The following TGFBR3 variants were observed in gnomAD, a reference collection of about 807,000 sequenced individuals.
TGFBR3 encodes the protein transforming growth factor beta receptor 3.
In TGFBR3, 46 loss-of-function variants were observed where a neutral mutation model predicts 87.9. The ratio of observed to expected loss-of-function variants is 0.52; its 90% confidence interval spans 0.41 to 0.67. TGFBR3 has a LOEUF of 0.67. Among genes scored for constraint, TGFBR3 ranks in the 30% least tolerant of loss-of-function variants. The pLI, the probability that TGFBR3 is intolerant of heterozygous loss-of-function variation, is 0.00. For synonymous variants in TGFBR3, 381 were observed against 391.6 expected (o/e 0.97, Z 0.32); for missense variants, 866 against 1,041.9 (o/e 0.83, Z 2.32).
rs545353127 is a variant in TGFBR3, at chr1:91,681,293, C to T, written c.*2446G>A. 7 of 443,112 alleles carry T rather than the reference C, an allele frequency of 1.6e-5. No individual in the cohort carries two copies. The highest frequency in any genetic ancestry group is 3.1e-5 in the Non-Finnish European group (7 of 223,646). The allele number at this position is 443,112 out of a possible 1,614,324, so 27.4% of individuals were successfully genotyped here. ...GAAACATTTCAGAAATACTTAACGA[C>T]ATTCACTCTCCAATATGAGATTAGG... On this transcript the variant is annotated 3_prime_UTR_variant, in exon 17 of 17. Transcript: ENST00000212355.
At chr1:91,862,001 A>G (rs760877143) in intron 1 of TGFBR3, 3 of 216,232 alleles carry the variant, frequency 1.4e-5, no homozygotes, top group Non-Finnish European at 2.8e-5. Flanking sequence ...GATTACAGAC[A>G]TGCGCCACTA....
chr1:91,787,875 T>A (rs922908618), intron 3 of TGFBR3, among the ~76,000 whole-genome samples: 1 of 149,996 alleles, frequency 6.7e-6, no homozygotes, highest in African/African-American at 2.5e-5. Context: ...TCGCTTGAGG[T>A]TGCAGTAAGC....
In TGFBR3 at chr1:91,680,685, C is replaced by T. The variant is rs1266042438; in HGVS notation, c.*3054G>A. On this transcript the variant is annotated 3_prime_UTR_variant, in exon 17 of 17. Coordinates refer to ENST00000212355, the MANE Select transcript of TGFBR3 (RefSeq NM_003243.5). ...TGAAAAAAATCACATAGGACTCACC[C>T]AACAAAATGTGCTCTGTTAACACAA... The T allele has an allele frequency of 2.2e-6, 1 of 453,980 alleles. No homozygotes were observed. The highest frequency in any genetic ancestry group is 4.4e-6 in the Non-Finnish European group (1 of 226,774). The allele number at this position is 453,980 out of a possible 1,614,324, so 28.1% of individuals were successfully genotyped here.
intron 1 of TGFBR3, among the ~76,000 whole-genome samples, chr1:91,871,532 G>A (rs1223315066): frequency 6.6e-6 from 1 of 152,116 alleles, no homozygotes; most frequent in African/African-American, 2.4e-5. Context: ...AGAAGACCTA[G>A]GAAAGGAAAA....
intron 2 of TGFBR3, among the ~76,000 whole-genome samples, chr1:91,815,243 A>G (rs894993163): frequency 1.4e-5 from 2 of 147,230 alleles, no homozygotes; most frequent in Non-Finnish European, 3.0e-5. Flanking sequence ...CGGAGGTTGC[A>G]GTGAGCTGGG....
At chr1:91,898,203 A>C (rs1170466560) in intron 2 of TGFBR3, among the ~76,000 whole-genome samples, 1 of 152,162 alleles carries the variant, frequency 6.6e-6, no homozygotes, top group Non-Finnish European at 1.5e-5. Context: ...AACCACTTTC[A>C]GGAATTTAGA....
intron 1 of TGFBR3, among the ~76,000 whole-genome samples, chr1:91,903,896 A>G (rs906472584): frequency 6.6e-6 from 1 of 152,142 alleles, no homozygotes; most frequent in Non-Finnish European, 1.5e-5. Flanking sequence ...AAAACTGGCC[A>G]GGCATGGTGG....
intron 4 of TGFBR3, among the ~76,000 whole-genome samples, chr1:91,748,896 G>T (rs1332252704): frequency 6.6e-6 from 1 of 151,966 alleles, no homozygotes; most frequent in African/African-American, 2.4e-5. Context: ...TACTTCACAG[G>T]CTTATTATGA....
At chr1:91,772,995 C>A (rs770471130) in intron 3 of TGFBR3, among the ~76,000 whole-genome samples, 1 of 152,176 alleles carries the variant, frequency 6.6e-6, no homozygotes, top group Non-Finnish European at 1.5e-5. Context: ...GTCTGAGAAA[C>A]AGAGGAAATT....
At chr1:91,732,345 C>T (rs1672805534) in intron 5 of TGFBR3, among the ~76,000 whole-genome samples, 1 of 152,116 alleles carries the variant, frequency 6.6e-6, no homozygotes, top group Non-Finnish European at 1.5e-5. Flanking sequence ...TCCTAAAGGG[C>T]TGATTGAAAC....
chr1:91,855,274 A>C (rs913938343), intron 2 of TGFBR3, among the ~76,000 whole-genome samples: 1 of 152,252 alleles, frequency 6.6e-6, no homozygotes, highest in Admixed American at 6.5e-5. Context: ...CAGTGGAATG[A>C]AGAAGTTAGC....
chr1:91,742,454 T>C (rs1673190116), intron 4 of TGFBR3, among the ~76,000 whole-genome samples: 1 of 152,194 alleles, frequency 6.6e-6, no homozygotes. Context: ...CCCAAACTCA[T>C]TGCTTCCCTT....
chr1:91,789,840 C>A (rs1675122951), intron 3 of TGFBR3, among the ~76,000 whole-genome samples: 1 of 152,200 alleles, frequency 6.6e-6, no homozygotes, highest in Non-Finnish European at 1.5e-5. Context: ...ACCCTGCTCC[C>A]CTTTCCAGGC....
In TGFBR3 at chr1:91,685,688, T is replaced by G. The variant is rs549945660; in HGVS notation, c.2438-1831A>C. 1.7e-3 allele frequency among the ~76,000 whole-genome samples: 260 copies of G among 152,312 alleles called. 2 individuals carry two copies. The highest frequency in any genetic ancestry group is 3.1e-3 in the Admixed American group (47 of 15,300). On this transcript the variant is annotated intron_variant, in intron 16 of 16. Coordinates refer to ENST00000212355, the MANE Select transcript of TGFBR3 (RefSeq NM_003243.5). ...CCCTCCCCAGCACTGCCCTCTACTC[T>G]TCATGTGTGTGTATAATTAAGGCTG... is the stretch of plus-strand genomic sequence containing the variant.
At chr1:91,743,711 T>C (rs372021524) in intron 4 of TGFBR3, among the ~76,000 whole-genome samples, 1 of 152,246 alleles carries the variant, frequency 6.6e-6, no homozygotes, top group East Asian at 1.9e-4. Flanking sequence ...AAAACAAATC[T>C]TGATGTCCAA....
intron 7 of TGFBR3, among the ~76,000 whole-genome samples, chr1:91,722,593 T>C (rs537056702): frequency 6.6e-6 from 1 of 152,316 alleles, no homozygotes; most frequent in East Asian, 1.9e-4. Context: ...TCCCCTAGAT[T>C]TCAATGAAAG....
At chr1:91,861,449 C>T (rs773671088) in intron 2 of TGFBR3, 22 bp downstream of exon 2, 30 of 1,570,548 alleles carry the variant, frequency 1.9e-5, no homozygotes, top group Non-Finnish European at 2.6e-5. Flanking sequence ...AACAAATATG[C>T]AATTTATATT....
intron 10 of TGFBR3, 114 bp from the exon 11 acceptor site, chr1:91,716,822 T>G: frequency 7.6e-7 from 1 of 1,318,734 alleles, no homozygotes; most frequent in Non-Finnish European, 1.1e-6. Context: ...AAAATCTGAC[T>G]TTAAGACAAA....
intron 2 of TGFBR3, among the ~76,000 whole-genome samples, chr1:91,834,845 A>T (rs971307916): frequency 6.6e-6 from 1 of 151,844 alleles, no homozygotes; most frequent in Non-Finnish European, 1.5e-5. Flanking sequence ...CACCCAGCTA[A>T]TTTTTTGCAT....
Sources: gnomAD v4.1 joint callset for allele counts (sites outside exome capture counted in the v4.1 genomes callset) on GRCh38, gnomAD v4.1.1 for gene constraint, MANE v1.5 for transcripts, NCBI Gene and HGNC (gene_info 2026-07-23, HGNC 2026-07-21) for gene names.